The following CCDC178 variants were observed in gnomAD, a reference collection of about 807,000 sequenced individuals.
CCDC178 encodes coiled-coil domain-containing protein 178.
A neutral mutation model predicts 117.4 loss-of-function variants in CCDC178; 126 were observed. That is an observed-to-expected ratio of 1.07 (90% CI 0.93 to 1.24). The LOEUF is 1.24. Among genes scored for constraint, CCDC178 ranks in the 50% most tolerant of loss-of-function variants. The pLI is 0.00. For missense variants in CCDC178, 1,030 were observed against 986.9 expected (o/e 1.04, Z -0.59); for synonymous variants, 283 against 313.4 (o/e 0.90, Z 1.02).
chr18:33,292,445 A>AC (rs2060179184), intron 12 of CCDC178, among the ~76,000 whole-genome samples: 1 of 152,098 alleles, frequency 6.6e-6, no homozygotes, highest in Non-Finnish European at 1.5e-5. Context: ...GGACATAGAG[A>AC]GAGGTTGGAT....
chr18:33,045,161 T>C (rs919936070), intron 21 of CCDC178, among the ~76,000 whole-genome samples: 12 of 152,066 alleles, frequency 7.9e-5, no homozygotes, highest in Non-Finnish European at 1.8e-4. Flanking sequence ...CCCCTAAATA[T>C]ATAAAAATAA....
At chr18:32,999,275 G>C (rs1435950782) in intron 21 of CCDC178, among the ~76,000 whole-genome samples, 2 of 152,078 alleles carry the variant, frequency 1.3e-5, no homozygotes. Context: ...AGGAAAGAGG[G>C]GGAAGGAATT....
chr18:33,362,394 G>A (rs1447932322), intron 6 of CCDC178, among the ~76,000 whole-genome samples: 1 of 151,776 alleles, frequency 6.6e-6, no homozygotes, highest in Non-Finnish European at 1.5e-5. Context: ...GGTTACCACA[G>A]GTGGGAGTCG....
At chr18:33,309,552 T>C (rs920607821) in intron 11 of CCDC178, among the ~76,000 whole-genome samples, 1 of 152,172 alleles carries the variant, frequency 6.6e-6, no homozygotes, top group African/African-American at 2.4e-5. Flanking sequence ...TAAAAAGGGG[T>C]TATAACATGA....
rs777001536 is a variant in CCDC178, at chr18:33,293,204, C to T, written c.1131G>A (p.Arg377=). 3.1e-6 allele frequency: 5 copies of T among 1,595,674 alleles called. No homozygotes were observed. The South Asian group carries it at 3.4e-5, about 11-fold the overall frequency. ...ATTCATTTTTTGATGACTTTGTTTC[C>T]CTTATTGCTTCAGTCACTTCCTCTT... ...EKEEEVTEAI[R]ETKSSKNELH... The change falls in exon 12 of 23, where the codon AGG becomes AGA. Residue 377 remains arginine (R), a synonymous_variant. Coordinates refer to ENST00000383096, the MANE Select transcript of CCDC178 (RefSeq NM_001105528.4).
At chr18:33,315,869 TTAAAGA>T (rs1384950105) in intron 11 of CCDC178, among the ~76,000 whole-genome samples, 4 of 152,214 alleles carry the variant, frequency 2.6e-5, no homozygotes, top group African/African-American at 9.6e-5. Flanking sequence ...TAATTTTGTG[TTAAAGA>T]TAATAATACC....
chr18:33,390,260 A>G (rs1336994559), intron 4 of CCDC178, among the ~76,000 whole-genome samples: 1 of 151,858 alleles, frequency 6.6e-6, no homozygotes, highest in African/African-American at 2.4e-5. Flanking sequence ...ACATAAAAAT[A>G]TATTATCATT....
At chr18:33,181,294 A>T (rs2058730215) in intron 20 of CCDC178, among the ~76,000 whole-genome samples, 1 of 152,086 alleles carries the variant, frequency 6.6e-6, no homozygotes, top group Non-Finnish European at 1.5e-5. Flanking sequence ...CTGAATACAC[A>T]AGAGGAGTGC....
intron 21 of CCDC178, among the ~76,000 whole-genome samples, chr18:33,000,004 T>A (rs967558946): frequency 6.6e-6 from 1 of 152,004 alleles, no homozygotes; most frequent in African/African-American, 2.4e-5. Context: ...CCAAATGAAC[T>A]AAGGGACCAT....
chr18:33,334,477 T>G (rs1195274708), intron 9 of CCDC178, among the ~76,000 whole-genome samples: 1 of 152,036 alleles, frequency 6.6e-6, no homozygotes, highest in Non-Finnish European at 1.5e-5. Context: ...CATTGAAAGA[T>G]TTTCTCATTA....
At chr18:33,286,943 G>A (rs2060105382) in intron 12 of CCDC178, among the ~76,000 whole-genome samples, 2 of 151,948 alleles carry the variant, frequency 1.3e-5, no homozygotes, top group South Asian at 4.2e-4. Flanking sequence ...CATGGGAAAG[G>A]GATTTATAGA....
At chr18:33,013,212 T>C (rs1466113983) in intron 21 of CCDC178, among the ~76,000 whole-genome samples, 1 of 152,170 alleles carries the variant, frequency 6.6e-6, no homozygotes, top group Non-Finnish European at 1.5e-5. Flanking sequence ...CTAATTTTAG[T>C]GTTTTCACAT....
intron 21 of CCDC178, among the ~76,000 whole-genome samples, chr18:33,002,979 A>C (rs2055671025): frequency 6.6e-6 from 1 of 152,162 alleles, no homozygotes; most frequent in Admixed American, 6.5e-5. Context: ...TGAACCACGA[A>C]GAAAGCCACA....
intron 21 of CCDC178, among the ~76,000 whole-genome samples, chr18:33,042,127 T>G (rs1467327589): frequency 4.6e-5 from 7 of 151,870 alleles, no homozygotes; most frequent in African/African-American, 1.4e-4. Context: ...AACAAGACAT[T>G]CACATGACAC....
At chr18:33,094,143 CCCTAATGATAAATATTAT>C (rs2057507972) in intron 20 of CCDC178, among the ~76,000 whole-genome samples, 3 of 152,084 alleles carry the variant, frequency 2.0e-5, no homozygotes, top group Admixed American at 2.0e-4. Flanking sequence ...CCATATTGAT[CCCTAATGATAAATATTAT>C]GTCATAGCTA....
intron 14 of CCDC178, among the ~76,000 whole-genome samples, chr18:33,250,150 G>A (rs986187542): frequency 6.6e-6 from 1 of 151,718 alleles, no homozygotes; most frequent in Non-Finnish European, 1.5e-5. Context: ...AAACAAAAAT[G>A]AATGAGAAAT....
At chr18:33,185,043 T>A (rs534932781) in intron 20 of CCDC178, among the ~76,000 whole-genome samples, 2 of 152,044 alleles carry the variant, frequency 1.3e-5, no homozygotes, top group African/African-American at 2.4e-5. Context: ...TCTGAAAGTA[T>A]GACAACAGCA....
Position 33,155,534 on chromosome 18 carries a change from G to A in CCDC178, c.2238+56362C>T, listed in dbSNP as rs150117740. ...CAAATTAAAAACAGAGAGTAATCAT[G>A]AAAATCTCAGGTGCATTACTTTCTG... is the stretch of plus-strand genomic sequence containing the variant. On this transcript the variant is annotated intron_variant, in intron 20 of 22. Coordinates refer to ENST00000383096, the MANE Select transcript of CCDC178 (RefSeq NM_001105528.4). 2.4e-3 allele frequency among the ~76,000 whole-genome samples: 366 copies of A among 152,128 alleles called. 1 individual carries two copies. Among genetic ancestry groups the A allele is most frequent in the African/African-American group, 8.5e-3 (352 of 41,532 alleles).
In CCDC178 at chr18:33,333,266, T is replaced by C. The variant is rs1276452857; in HGVS notation, c.787A>G (p.Ile263Val). 7 of 1,612,106 alleles carry C rather than the reference T, an allele frequency of 4.3e-6. No homozygotes were observed. The highest frequency in any genetic ancestry group is 2.2e-5 in the East Asian group (1 of 44,772). Residue 263 changes from isoleucine to valine, a missense_variant, in exon 10 of 23, where the codon ATA becomes GTA. Coordinates refer to ENST00000383096, the MANE Select transcript of CCDC178 (RefSeq NM_001105528.4). ...EEANAKIQAD[I>V]DYMNEHGPLL... is the part of the protein sequence containing the mutation. ...GGGCCATGTTCATTCATGTAGTCTA[T>C]GTCTGCTTGAATCTTTGCATTTGCT...
Sources: gnomAD v4.1 joint callset for allele counts (sites outside exome capture counted in the v4.1 genomes callset) on GRCh38, gnomAD v4.1.1 for gene constraint, MANE v1.5 for transcripts, NCBI Gene and HGNC (gene_info 2026-07-23, HGNC 2026-07-21) for gene names.